Variants in ACBD5 observed in about 807,000 individuals in gnomAD.
The protein encoded by ACBD5 is acyl-CoA binding domain containing 5.
ACBD5 carries 40 observed loss-of-function variants against 71.8 expected under a neutral mutation model. The ratio of observed to expected loss-of-function variants is 0.56; its 90% CI spans 0.43 to 0.72. The LOEUF is 0.72. Ranked by LOEUF, ACBD5 falls within the 30% of genes least tolerant of loss-of-function variation. The pLI is 0.00. For synonymous variants in ACBD5, 229 were observed against 218.6 expected (o/e 1.05, Z -0.42); for missense variants, 559 against 644.5 (o/e 0.87, Z 1.44).
chr10:27,207,635 G>C (rs1429090096), intron 10 of ACBD5, among the ~76,000 whole-genome samples: 1 of 152,200 alleles, frequency 6.6e-6, no homozygotes, highest in Non-Finnish European at 1.5e-5. Flanking sequence ...CGGCAGCTGA[G>C]TCCCGGGATT....
chr10:27,205,228 T>C lies in ACBD5; in HGVS notation c.1425A>G (p.Thr475=). 2 of 1,613,326 alleles carry C rather than the reference T, an allele frequency of 1.2e-6. No homozygotes were observed. The highest frequency in any genetic ancestry group is 1.7e-6 in the Non-Finnish European group (2 of 1,179,702). ...AGGTGGGCTGAGGAGCAGTCTGCAA[T>C]GTTGATGTTGATGATTTTGCCTGTA... ...TALQAKSSTS[T]LQTAPQPTSQ... is the part of the protein sequence containing the mutation. The change falls in exon 11 of 13, where the codon ACA becomes ACG. Residue 475 remains threonine (T), a synonymous_variant. Transcript: ENST00000396271.
intron 3 of ACBD5, among the ~76,000 whole-genome samples, chr10:27,234,062 T>C (rs2064292465): frequency 6.6e-6 from 1 of 152,078 alleles, no homozygotes. Context: ...AATAAATAAA[T>C]AAAACATGCT....
chr10:27,203,713 T>C (rs577056787), intron 12 of ACBD5, among the ~76,000 whole-genome samples: 1 of 152,266 alleles, frequency 6.6e-6, no homozygotes, highest in Admixed American at 6.5e-5. Flanking sequence ...CACCCCAGCC[T>C]GGGCAACAAA....
chr10:27,204,683 G>C (rs899307183), intron 11 of ACBD5, 134 bp from the exon 12 acceptor site: 4 of 707,252 alleles, frequency 5.7e-6, no homozygotes, highest in Middle Eastern at 2.5e-4. Context: ...AAAGAAGAAA[G>C]ATATTCTGCA....
At chr10:27,225,873 C>T (rs2062949437) in intron 4 of ACBD5, among the ~76,000 whole-genome samples, 1 of 151,962 alleles carries the variant, frequency 6.6e-6, no homozygotes. Flanking sequence ...CACCAAGCAA[C>T]ACCTCTACTT....
chr10:27,183,403 C>T (rs1262240530), intron 13 of ACBD5, among the ~76,000 whole-genome samples: 2 of 152,010 alleles, frequency 1.3e-5, no homozygotes, highest in Non-Finnish European at 2.9e-5. Context: ...CCTGCCTCAG[C>T]CCCCCAAGTA....
intron 4 of ACBD5, among the ~76,000 whole-genome samples, chr10:27,229,979 A>G (rs1279012752): frequency 6.6e-6 from 1 of 152,194 alleles, no homozygotes; most frequent in Non-Finnish European, 1.5e-5. Context: ...CAACTTTAAA[A>G]TGTGGCTATA....
chr10:27,241,990 G>T (rs750048747), upstream of ACBD5: 4 of 453,018 alleles, frequency 8.8e-6, no homozygotes, highest in African/African-American at 8.0e-5. Context: ...GGTTAGGAGG[G>T]TTACTAGGAA....
At chr10:27,203,096 T>G (rs2060101115) in intron 12 of ACBD5, among the ~76,000 whole-genome samples, 1 of 144,458 alleles carries the variant, frequency 6.9e-6, no homozygotes. Context: ...CGCCTCAGCC[T>G]CCCGAGTATC....
chr10:27,239,580 A>T (rs1564740821), intron 2 of ACBD5, among the ~76,000 whole-genome samples: 2 of 142,854 alleles, frequency 1.4e-5, no homozygotes, highest in Non-Finnish European at 3.0e-5. Context: ...GGAATAGCAA[A>T]TAAAAAGGTA....
chr10:27,206,765 C>T (rs914467570), intron 10 of ACBD5, among the ~76,000 whole-genome samples: 1 of 151,880 alleles, frequency 6.6e-6, no homozygotes, highest in Admixed American at 6.6e-5. Flanking sequence ...ATCCACTCGC[C>T]TCGGCCTCCC....
chr10:27,219,636 C>T, intron 6 of ACBD5, 87 bp downstream of exon 6: 1 of 1,560,754 alleles, frequency 6.4e-7, no homozygotes, highest in Non-Finnish European at 8.8e-7. Context: ...CTGCTTTAAT[C>T]TTCTACAATA....
intron 13 of ACBD5, among the ~76,000 whole-genome samples, chr10:27,189,602 T>TTA: frequency 1.6e-5 from 1 of 62,596 alleles, no homozygotes; most frequent in Non-Finnish European, 3.1e-5. Context: ...AAGGGGAACA[T>TTA]CACACACTGG....
chr10:27,184,039 A>G (rs532475012), intron 13 of ACBD5, among the ~76,000 whole-genome samples: 2 of 152,152 alleles, frequency 1.3e-5, no homozygotes, highest in East Asian at 1.9e-4. Context: ...GATTTAACCA[A>G]TCCTATAGAG....
At position 27,240,771 on chromosome 10, in the gene ACBD5, C is replaced by T; in HGVS notation, c.-83G>A. 1.3e-6 allele frequency: 2 copies of T among 1,541,184 alleles called. No individual in the cohort carries two copies. Among genetic ancestry groups the T allele is most frequent in the Non-Finnish European group, 1.8e-6 (2 of 1,139,130 alleles). On this transcript the variant is annotated 5_prime_UTR_variant, in exon 1 of 13. The change creates a new upstream start codon in the 5' untranslated region. Transcript: ENST00000396271. The surrounding 1 kb of genome is among the most constrained non-coding windows in gnomAD (Gnocchi z 4.1). ...CCTGGGGACCCTGGCGGAGCAGCCA[C>T]ACCCCCCATTCCGCCGGAGTCCGTC...
chr10:27,189,995 GT>G lies in ACBD5; in HGVS notation c.1494-7281del, dbSNP rs1368079074. Among the ~76,000 whole-genome samples, 50 of 151,468 alleles carry G rather than the reference GT, an allele frequency of 3.3e-4. 1 individual carries two copies. Among genetic ancestry groups the G allele is most frequent in the Admixed American group, 2.4e-3 (36 of 15,140 alleles). On this transcript the variant is annotated intron_variant, in intron 13 of 13. Coordinates refer to the ACBD5 transcript ENST00000676511. ...TATCTAAAAAAATAAAATAATAATT[GT>G]TTTTTAGGCTGGGCATGGTGGCTTA...
chr10:27,187,751 CAAA>C (rs11442040), intron 13 of ACBD5, among the ~76,000 whole-genome samples: 1 of 139,374 alleles, frequency 7.2e-6, no homozygotes, highest in Non-Finnish European at 1.6e-5. Context: ...GACTCAGTCT[CAAA>C]AAAAAAAAAA....
intron 8 of ACBD5, among the ~76,000 whole-genome samples, chr10:27,212,750 T>C (rs951053940): frequency 1.3e-5 from 2 of 152,124 alleles, no homozygotes; most frequent in African/African-American, 4.8e-5. Context: ...GGTTTTGCCA[T>C]GTTGCTCACG....
chr10:27,203,967 T>G (rs546819040), intron 12 of ACBD5, among the ~76,000 whole-genome samples: 1 of 151,146 alleles, frequency 6.6e-6, no homozygotes, highest in African/African-American at 2.4e-5. Flanking sequence ...ACCATAAAAT[T>G]TAAAATGCAT....
Sources: gnomAD v4.1 joint callset for allele counts (sites outside exome capture counted in the v4.1 genomes callset) on GRCh38, gnomAD v4.1.1 for gene constraint, Gnocchi (gnomAD v3.1) non-coding constraint, MANE v1.5 for transcripts, NCBI Gene and HGNC (gene_info 2026-07-23, HGNC 2026-07-21) for gene names.